ZNF566: variants seen among roughly 807,000 people sequenced by gnomAD.
ZNF566 encodes zinc finger protein 566.
ZNF566 carries 27 observed loss-of-function variants against 32.8 expected under a neutral mutation model. The ratio of observed to expected loss-of-function variants is 0.82; its 90% CI spans 0.61 to 1.14. The LOEUF is 1.14. ZNF566 is among the 50% of genes most tolerant of loss of function. ZNF566 has a pLI of 0.00. For missense variants in ZNF566, 402 were observed against 490.4 expected, an observed-to-expected ratio of 0.82 and a Z score of 1.70; for synonymous variants, 154 against 159.5, an observed-to-expected ratio of 0.97 and a Z score of 0.26.
At chr19:36,474,393 A>G (rs961345053) in intron 2 of ZNF566, among the ~76,000 whole-genome samples, 2 of 152,228 alleles carry the variant, frequency 1.3e-5, no homozygotes, top group African/African-American at 2.4e-5. Flanking sequence ...TAACCCCAGG[A>G]AAATGAAGGG....
rs534575071 is a variant in ZNF566, at chr19:36,449,830, T to C, written c.404A>G (p.Gln135Arg). 11 of 1,614,164 alleles carry C rather than the reference T, an allele frequency of 6.8e-6. No homozygotes were observed. The highest frequency in any genetic ancestry group is 1.7e-5 in the Admixed American group (1 of 60,020). Residue 135 changes from glutamine to arginine, a missense_variant, in exon 5 of 5, where the codon CAG becomes CGG. Gln to Arg is a conservative substitution (Grantham distance 43). Coordinates refer to ENST00000452939, the MANE Select transcript of ZNF566 (RefSeq NM_001145344.1). ...TACCAATTGATTGAAATGTCCCCCCTGAGAGCCGAGTTCTTTCTTAAACTG... is the reference window on the plus strand; with the variant it reads ...TACCAATTGATTGAAATGTCCCCCCCGAGAGCCGAGTTCTTTCTTAAACTG... ...NRQFKKELGS[Q>R]GGHFNQLVFT...
chr19:36,452,990 TGCCTGTAATCCCA>T (rs2033197764), intron 4 of ZNF566, among the ~76,000 whole-genome samples: 1 of 151,550 alleles, frequency 6.6e-6, no homozygotes, highest in African/African-American at 2.4e-5. Flanking sequence ...TGGTGGCGTG[TGCCTGTAATCCCA>T]GCTACTCAGC....
At position 36,448,853 on chromosome 19, in the gene ZNF566, A is replaced by G; in HGVS notation, c.*124T>C. On this transcript the variant is annotated 3_prime_UTR_variant, in exon 5 of 5. Coordinates refer to ENST00000452939, the MANE Select transcript of ZNF566 (RefSeq NM_001145344.1). ...TCCAACATTATTTTTCCCAGGCTGA[A>G]TAAGCTGTAGTCCACAAATAAAATG... The G allele has an allele frequency of 3.7e-6, 3 of 819,858 alleles. No individual in the cohort carries two copies. The highest frequency in any genetic ancestry group is 5.4e-6 in the Non-Finnish European group (3 of 553,608). 50.8% of individuals were successfully genotyped at this position (819,858 alleles called of 1,614,324 possible). A position where few individuals can be genotyped will look rare whatever the true frequency, so the allele number is the denominator to read the frequency against.
intron 1 of ZNF566, among the ~76,000 whole-genome samples, chr19:36,479,843 G>C (rs1024589549): frequency 6.6e-6 from 1 of 152,080 alleles, no homozygotes; most frequent in Non-Finnish European, 1.5e-5. Context: ...TGTTTGCTTG[G>C]TTTTAGTTGT....
At chr19:36,482,888 GGAAGACAGAGTCGGTCTCCTTCTAC>G (rs1266459593) in intron 1 of ZNF566, among the ~76,000 whole-genome samples, 1 of 152,166 alleles carries the variant, frequency 6.6e-6, no homozygotes, top group Non-Finnish European at 1.5e-5. Context: ...GAACAGCCTT[GGAAGACAGAGTCGGTCTCCTTCTAC>G]AGCAAAGGGT....
At position 36,448,781 on chromosome 19, in the gene ZNF566, C is replaced by T. The variant is rs2033058938; in HGVS notation, c.*196G>A. 2.1e-6 allele frequency: 1 copy of T among 470,766 alleles called. No individual in the cohort carries two copies. Among genetic ancestry groups the T allele is most frequent in the Non-Finnish European group, 3.7e-6 (1 of 273,080 alleles). The allele number at this position is 470,766 out of a possible 1,614,324, so 29.2% of individuals were successfully genotyped here. On this transcript the variant is annotated 3_prime_UTR_variant, in exon 5 of 5. Coordinates refer to ENST00000452939, the MANE Select transcript of ZNF566 (RefSeq NM_001145344.1). ...ATTATCTGATGTCAAGAGAAGTAAG[C>T]GTTTAGTTAAGGGCTTCCAAAGTAT... is the stretch of plus-strand genomic sequence containing the variant.
intron 4 of ZNF566, among the ~76,000 whole-genome samples, chr19:36,462,615 G>A (rs1489945371): frequency 1.3e-5 from 2 of 151,728 alleles, no homozygotes; most frequent in African/African-American, 2.4e-5. Flanking sequence ...TCTGGAGGCT[G>A]GGACATGCAA....
At chr19:36,468,469 G>T (rs909796079) in intron 4 of ZNF566, among the ~76,000 whole-genome samples, 1 of 151,322 alleles carries the variant, frequency 6.6e-6, no homozygotes, top group Non-Finnish European at 1.5e-5. Context: ...AGCTGGGTGT[G>T]GTGCTGCATG....
intron 4 of ZNF566, among the ~76,000 whole-genome samples, chr19:36,463,458 C>T (rs1269283003): frequency 2.6e-5 from 4 of 151,108 alleles, no homozygotes; most frequent in Non-Finnish European, 5.9e-5. Flanking sequence ...GAGAAAAGTA[C>T]TGTGGTCATG....
At chr19:36,488,774 T>C (rs926190670) in intron 1 of ZNF566, among the ~76,000 whole-genome samples, 1 of 152,156 alleles carries the variant, frequency 6.6e-6, no homozygotes, top group Non-Finnish European at 1.5e-5. Context: ...AAAGACAGTA[T>C]GACAACATTC....
chr19:36,467,777 C>A (rs1451760728), intron 4 of ZNF566, among the ~76,000 whole-genome samples: 1 of 106,738 alleles, frequency 9.4e-6, no homozygotes, highest in Non-Finnish European at 1.8e-5. Flanking sequence ...GGTGACAGAG[C>A]GAGACTCCAT....
intron 2 of ZNF566, among the ~76,000 whole-genome samples, chr19:36,475,691 A>G (rs147016208): frequency 9.6e-4 from 146 of 152,236 alleles, no homozygotes; most frequent in African/African-American, 3.4e-3. Context: ...ACCAGCATGT[A>G]AACATTGTTT....
intron 1 of ZNF566, among the ~76,000 whole-genome samples, chr19:36,481,344 G>A (rs944161852): frequency 1.3e-5 from 2 of 151,678 alleles, no homozygotes; most frequent in Non-Finnish European, 2.9e-5. Flanking sequence ...GGCGGCACGC[G>A]CCTGTAGTCC....
At chr19:36,452,784 T>C (rs1366711348) in intron 4 of ZNF566, among the ~76,000 whole-genome samples, 1 of 152,018 alleles carries the variant, frequency 6.6e-6, no homozygotes, top group African/African-American at 2.4e-5. Context: ...ACTCTGATAA[T>C]GTAATAATAG....
intron 4 of ZNF566, among the ~76,000 whole-genome samples, chr19:36,467,988 G>A (rs2033666620): frequency 6.6e-6 from 1 of 150,628 alleles, no homozygotes; most frequent in South Asian, 2.1e-4. Context: ...GAGTTCGAGA[G>A]CAGCCTGACC....
intron 2 of ZNF566, among the ~76,000 whole-genome samples, chr19:36,474,746 G>C (rs1404740519): frequency 6.6e-6 from 1 of 152,056 alleles, no homozygotes; most frequent in African/African-American, 2.4e-5. Context: ...AATTAAATTT[G>C]CATATAATTT....
Position 36,449,898 on chromosome 19 carries a change from A to T in ZNF566, c.336T>A (p.Asp112Glu), listed in dbSNP as rs2033106462. ...CATCTCTGAAACTGGAGCACTGAAA[A>T]TCACGTCTTGTGAGTTTTTCCATTA... ...WEIMEKLTRR[D>E]FQCSSFRDDW... The change falls in exon 5 of 5, where the codon GAT (aspartate) becomes GAA (glutamate). Residue 112 changes from aspartate (D) to glutamate (E), a missense_variant. Asp to Glu is a conservative substitution (Grantham distance 45). Around this residue, in one of 3 missense-constraint regions of ZNF566, gnomAD observed 220 missense variants for 241.9 expected, o/e 0.91. Transcript: ENST00000452939. 6.2e-7 allele frequency: 1 copy of T among 1,613,956 alleles called. No homozygotes were observed. Among genetic ancestry groups the T allele is most frequent in the Admixed American group, 1.7e-5 (1 of 59,988 alleles).
At chr19:36,489,360 G>A (rs1005946974) in intron 1 of ZNF566, 126 bp downstream of exon 1, 27 of 232,670 alleles carry the variant, frequency 1.2e-4, no homozygotes, top group Admixed American at 9.7e-4. Flanking sequence ...ACAATCGCGC[G>A]ATCATTCACC....
At chr19:36,476,429 A>C (rs1336479094) in intron 2 of ZNF566, 120 bp downstream of exon 2, 1 of 877,436 alleles carries the variant, frequency 1.1e-6, no homozygotes. Context: ...GCTCATAACC[A>C]AACTTTTTGA....
Sources: allele counts gnomAD v4.1 joint callset (sites outside exome capture counted in the v4.1 genomes callset), GRCh38; gene constraint gnomAD v4.1.1; regional missense constraint gnomAD v4.1.1; transcripts MANE v1.5; gene names NCBI Gene and HGNC (gene_info 2026-07-23, HGNC 2026-07-21).